Variants in KATNIP observed in about 807,000 individuals in gnomAD.
KATNIP encodes katanin interacting protein.
KATNIP carries 126 observed loss-of-function variants against 174.0 expected under a neutral mutation model. The ratio of observed to expected loss-of-function variants is 0.72; its 90% CI spans 0.63 to 0.84. The LOEUF (loss-of-function observed/expected upper bound fraction) is 0.84, where lower values mean the gene tolerates loss of function less well. KATNIP is among the 40% of genes least tolerant of loss of function. The pLI, the probability that KATNIP is intolerant of heterozygous loss-of-function variation, is 0.00. For missense variants in KATNIP, 1,958 were observed against 2,109.7 expected (o/e 0.93, Z 1.41); for synonymous variants, 810 against 835.7 (o/e 0.97, Z 0.53).
intron 2 of KATNIP, among the ~76,000 whole-genome samples, chr16:27,605,229 G>A (rs1484236059): frequency 1.3e-5 from 2 of 152,162 alleles, no homozygotes; most frequent in African/African-American, 4.8e-5. Flanking sequence ...CACCACACCC[G>A]ACCTCAAGAT....
At chr16:27,642,090 C>T (rs1409463136) in intron 5 of KATNIP, among the ~76,000 whole-genome samples, 2 of 152,152 alleles carry the variant, frequency 1.3e-5, no homozygotes, top group African/African-American at 4.8e-5. Flanking sequence ...TAGAAAATTG[C>T]GGCACTATTC....
intron 15 of KATNIP, among the ~76,000 whole-genome samples, chr16:27,741,222 C>T (rs767573038): frequency 2.0e-5 from 3 of 152,184 alleles, no homozygotes; most frequent in Admixed American, 2.0e-4. Flanking sequence ...AGACTTTGTT[C>T]TCCTGCCTTT....
At chr16:27,752,215 G>T (rs150267665) in intron 17 of KATNIP, among the ~76,000 whole-genome samples, 6 of 152,206 alleles carry the variant, frequency 3.9e-5, no homozygotes, top group Non-Finnish European at 4.4e-5. Context: ...TTGGCAGTCT[G>T]GGGGGAGTTT....
chr16:27,663,390 T>C (rs1219135325), intron 6 of KATNIP, among the ~76,000 whole-genome samples: 1 of 151,940 alleles, frequency 6.6e-6, no homozygotes, highest in African/African-American at 2.4e-5. Context: ...TTTTACCATA[T>C]AGTACTATGT....
chr16:27,602,183 G>A (rs2075549834), intron 2 of KATNIP, among the ~76,000 whole-genome samples: 1 of 152,170 alleles, frequency 6.6e-6, no homozygotes, highest in African/African-American at 2.4e-5. Flanking sequence ...GAGGGTAGGG[G>A]CAGCCTCAAT....
At chr16:27,607,390 C>T (rs2075742200) in intron 2 of KATNIP, among the ~76,000 whole-genome samples, 1 of 152,086 alleles carries the variant, frequency 6.6e-6, no homozygotes, top group Admixed American at 6.6e-5. Flanking sequence ...CATAGGATTG[C>T]TGCGTGCGTT....
At chr16:27,778,120 G>T in intron 27 of KATNIP, 151 bp downstream of exon 27, 1 of 665,168 alleles carries the variant, frequency 1.5e-6, no homozygotes, top group Non-Finnish European at 2.6e-6. Flanking sequence ...CCTAGGGAGG[G>T]ACTGAAGAGG....
At chr16:27,754,063 T>C in intron 17 of KATNIP, 110 bp from the exon 18 acceptor site, 1 of 863,194 alleles carries the variant, frequency 1.2e-6, no homozygotes, top group Admixed American at 1.9e-5. Flanking sequence ...CACAAGGACT[T>C]ACCTGGGCAT....
At chr16:27,588,285 G>A (rs912797233) in intron 2 of KATNIP, among the ~76,000 whole-genome samples, 2 of 151,964 alleles carry the variant, frequency 1.3e-5, no homozygotes, top group African/African-American at 4.8e-5. Flanking sequence ...TTTTTAAAAT[G>A]TATTTATTGA....
At chr16:27,718,756 C>G (rs2080073735) in intron 13 of KATNIP, 1 of 135,362 alleles carries the variant, frequency 7.4e-6, no homozygotes, top group South Asian at 2.3e-4. Flanking sequence ...TCGCAGCTGC[C>G]CAGAGCACTA....
At chr16:27,663,482 G>A (rs1057228610) in intron 6 of KATNIP, among the ~76,000 whole-genome samples, 11 of 150,576 alleles carry the variant, frequency 7.3e-5, no homozygotes, top group East Asian at 1.9e-4. Flanking sequence ...TTGCTCTGTC[G>A]CCCAGGCTGG....
At chr16:27,593,534 G>A (rs962819756) in intron 2 of KATNIP, among the ~76,000 whole-genome samples, 25 of 151,652 alleles carry the variant, frequency 1.6e-4, no homozygotes, top group African/African-American at 6.0e-4. Context: ...CACCGTGTCC[G>A]TCCTAAACTT....
At chr16:27,702,884 C>G (rs1269032684) in intron 11 of KATNIP, among the ~76,000 whole-genome samples, 2 of 152,076 alleles carry the variant, frequency 1.3e-5, no homozygotes, top group African/African-American at 4.8e-5. Flanking sequence ...TGTGAAAAGG[C>G]CGCCCGGTGC....
intron 15 of KATNIP, 97 bp downstream of exon 15, chr16:27,741,017 G>A (rs921382898): frequency 1.6e-6 from 2 of 1,243,272 alleles, no homozygotes; most frequent in Non-Finnish European, 2.2e-6. Flanking sequence ...TTCCTTATCT[G>A]CACAACAAGA....
intron 1 of KATNIP, among the ~76,000 whole-genome samples, chr16:27,551,149 T>A (rs2141493450): frequency 6.6e-6 from 1 of 152,326 alleles, no homozygotes; most frequent in South Asian, 2.1e-4. Context: ...GAAAATAGGC[T>A]ATTCTGATAT....
chr16:27,579,946 A>G (rs892436892), intron 2 of KATNIP, among the ~76,000 whole-genome samples: 5 of 151,700 alleles, frequency 3.3e-5, no homozygotes, highest in Admixed American at 2.0e-4. Context: ...CCCAAGCAGA[A>G]GAGGAGACAG....
At chr16:27,564,151 A>G (rs1410733047) in intron 1 of KATNIP, among the ~76,000 whole-genome samples, 1 of 152,180 alleles carries the variant, frequency 6.6e-6, no homozygotes, top group Non-Finnish European at 1.5e-5. Flanking sequence ...TTCCAGATCT[A>G]TTTGGAAGCC....
In KATNIP at chr16:27,648,689, G is replaced by A; in HGVS notation, c.494G>A (p.Gly165Glu). 6.2e-7 allele frequency: 1 copy of A among 1,614,184 alleles called. No homozygotes were observed. Among genetic ancestry groups the A allele is most frequent in the Non-Finnish European group, 8.5e-7 (1 of 1,180,032 alleles). ...TATTCTGATGATTTTGAGCTGTGTG[G>A]GGATGTGACTCTCCAGGCAAACAAC... ...VDYSDDFELCGDVTLQANNTS... is the reference protein window; with the variant it reads ...VDYSDDFELCEDVTLQANNTS... The change falls in exon 6 of 28, where the codon GGG (glycine) becomes GAG (glutamate). Residue 165 changes from glycine (G) to glutamate (E), a missense_variant. By Grantham distance (98) the Gly-to-Glu change is moderately conservative. Around this residue, in one of 3 missense-constraint regions of KATNIP, gnomAD observed 1,557 missense variants for 1,617.8 expected, o/e 0.96. Transcript: ENST00000261588.
At chr16:27,712,086 G>A (rs993723505) in intron 13 of KATNIP, among the ~76,000 whole-genome samples, 1 of 152,206 alleles carries the variant, frequency 6.6e-6, no homozygotes, top group African/African-American at 2.4e-5. Flanking sequence ...TGGATTTGAT[G>A]GGGACCAATT....
Sources: allele counts gnomAD v4.1 joint callset (sites outside exome capture counted in the v4.1 genomes callset), GRCh38; gene constraint gnomAD v4.1.1; regional missense constraint gnomAD v4.1.1; transcripts MANE v1.5; gene names NCBI Gene and HGNC (gene_info 2026-07-23, HGNC 2026-07-21).